TBC1D1: variants seen among roughly 807,000 people sequenced by gnomAD.
TBC1D1 encodes TBC1 domain family member 1.
TBC1D1 carries 89 observed loss-of-function variants against 125.6 expected under a neutral mutation model. The ratio of observed to expected loss-of-function variants is 0.71; its 90% CI spans 0.60 to 0.85. The LOEUF (loss-of-function observed/expected upper bound fraction) is 0.85, where lower values mean the gene tolerates loss of function less well. Among genes scored for constraint, TBC1D1 ranks in the 40% least tolerant of loss-of-function variants. TBC1D1 has a pLI of 0.00. For missense variants in TBC1D1, 1,377 were observed against 1,469.2 expected (o/e 0.94, Z 1.03); for synonymous variants, 565 against 564.1 (o/e 1.00, Z -0.02).
At chr4:37,930,544 T>A (rs1723054580) in intron 2 of TBC1D1, among the ~76,000 whole-genome samples, 2 of 151,914 alleles carry the variant, frequency 1.3e-5, no homozygotes, top group African/African-American at 4.8e-5. Context: ...CCAGGCTGGA[T>A]TTGAACTCAT....
At chr4:38,039,814 G>T (rs895544511) in intron 8 of TBC1D1, among the ~76,000 whole-genome samples, 1 of 152,124 alleles carries the variant, frequency 6.6e-6, no homozygotes, top group Admixed American at 6.5e-5. Context: ...CTCCAAATTA[G>T]AAATTATTGT....
intron 2 of TBC1D1, among the ~76,000 whole-genome samples, chr4:37,907,225 A>C (rs972316451): frequency 6.6e-6 from 1 of 152,242 alleles, no homozygotes; most frequent in African/African-American, 2.4e-5. Context: ...AAAATGGAGC[A>C]CTATATCCAT....
chr4:38,122,459 C>T (rs1438368268), intron 17 of TBC1D1, among the ~76,000 whole-genome samples: 1 of 152,210 alleles, frequency 6.6e-6, no homozygotes, highest in Non-Finnish European at 1.5e-5. Context: ...GGCTCCTGCA[C>T]ACCTCCCTGT....
chr4:37,966,167 C>T (rs1324628461), intron 2 of TBC1D1, among the ~76,000 whole-genome samples: 1 of 152,200 alleles, frequency 6.6e-6, no homozygotes, highest in Non-Finnish European at 1.5e-5. Flanking sequence ...GAGAATGTGA[C>T]ATGAACTGTC....
chr4:38,055,992 A>T (rs1237959663), intron 12 of TBC1D1, among the ~76,000 whole-genome samples: 2 of 152,152 alleles, frequency 1.3e-5, no homozygotes, highest in Non-Finnish European at 2.9e-5. Context: ...GTCGCTTGGA[A>T]ATTTCTGCTC....
chr4:37,952,383 G>A (rs567401445), intron 2 of TBC1D1: 76 of 368,078 alleles, frequency 2.1e-4, no homozygotes, highest in South Asian at 1.9e-3. Flanking sequence ...CAATCCAAGT[G>A]TCCATCAATG....
chr4:37,940,885 T>C (rs1308329501), intron 2 of TBC1D1, among the ~76,000 whole-genome samples: 1 of 152,216 alleles, frequency 6.6e-6, no homozygotes, highest in Non-Finnish European at 1.5e-5. Flanking sequence ...CACTTGATCA[T>C]GGTGGATAAG....
intron 2 of TBC1D1, among the ~76,000 whole-genome samples, chr4:37,962,253 C>A (rs1730208109): frequency 1.3e-5 from 2 of 152,214 alleles, no homozygotes; most frequent in Non-Finnish European, 2.9e-5. Flanking sequence ...CCATTGTCCT[C>A]TTCACCAGAA....
intron 2 of TBC1D1, among the ~76,000 whole-genome samples, chr4:37,915,466 AG>A (rs1719529708): frequency 1.3e-5 from 2 of 152,188 alleles, no homozygotes; most frequent in Non-Finnish European, 2.9e-5. Context: ...GGGAAGGGGA[AG>A]ATCAGTGTCC....
intron 12 of TBC1D1, among the ~76,000 whole-genome samples, chr4:38,076,376 G>A (rs1391026082): frequency 1.3e-5 from 2 of 152,204 alleles, no homozygotes; most frequent in East Asian, 1.9e-4. Context: ...AATTCAAGAT[G>A]AGAATTGGTG....
chr4:37,904,159 A>G (rs1716788057), intron 2 of TBC1D1, among the ~76,000 whole-genome samples: 1 of 152,212 alleles, frequency 6.6e-6, no homozygotes, highest in South Asian at 2.1e-4. Context: ...ATGAGGTAGC[A>G]CTCGACCTGA....
rs568468177 is a variant in TBC1D1, at chr4:38,121,108, A to G, written c.2962+2916A>G. On this transcript the variant is annotated intron_variant, in intron 17 of 19. Coordinates refer to ENST00000261439, the MANE Select transcript of TBC1D1 (RefSeq NM_015173.4). The stretch of plus-strand genomic sequence containing the variant: ...TCAGGTGACATGATGCCGCGTGATG[A>G]TGAGTGTGTCCAGTCTGTCTGTGCT... Among the ~76,000 whole-genome samples the G allele has an allele frequency of 3.9e-5, 6 of 152,260 alleles. No individual in the cohort carries two copies. In the South Asian group the frequency reaches 1.2e-3, roughly 32 times the overall value.
intron 2 of TBC1D1, among the ~76,000 whole-genome samples, chr4:37,973,829 C>A (rs1732523402): frequency 6.6e-6 from 1 of 152,212 alleles, no homozygotes; most frequent in Non-Finnish European, 1.5e-5. Context: ...TAATGAATCT[C>A]ATCTACTAGT....
chr4:37,911,131 CTT>C (rs71658745), intron 2 of TBC1D1, among the ~76,000 whole-genome samples: 2,270 of 94,796 alleles, frequency 0.024, 65 homozygotes, highest in African/African-American at 0.081. Context: ...TCCCCTCCTC[CTT>C]TTTTTTTTTT....
chr4:38,096,216 TC>T (rs1759314408), intron 14 of TBC1D1, 126 bp downstream of exon 16: 1 of 728,476 alleles, frequency 1.4e-6, no homozygotes, highest in Non-Finnish European at 2.3e-6. Context: ...CACATCTTAA[TC>T]TATTTCCATA....
chr4:37,939,466 G>A (rs1472936490), intron 2 of TBC1D1, among the ~76,000 whole-genome samples: 1 of 152,184 alleles, frequency 6.6e-6, no homozygotes, highest in Non-Finnish European at 1.5e-5. Context: ...CTCCCATTCT[G>A]TAGGTTGCCT....
intron 12 of TBC1D1, among the ~76,000 whole-genome samples, chr4:38,062,622 C>T (rs1160716079): frequency 6.7e-6 from 1 of 148,920 alleles, no homozygotes; most frequent in African/African-American, 2.5e-5. Context: ...ACCCCACCCA[C>T]CCTGCGCCGC....
intron 2 of TBC1D1, among the ~76,000 whole-genome samples, chr4:37,948,457 T>A (rs1370029553): frequency 6.6e-6 from 1 of 152,088 alleles, no homozygotes; most frequent in Non-Finnish European, 1.5e-5. Context: ...TGAAACCTTG[T>A]CTCTACTGAA....
At chr4:37,983,682 G>A (rs768930259) in intron 2 of TBC1D1, among the ~76,000 whole-genome samples, 13 of 152,096 alleles carry the variant, frequency 8.5e-5, no homozygotes, top group Non-Finnish European at 1.8e-4. Flanking sequence ...CACATGCACA[G>A]CATCCCCTGT....
Sources: gnomAD v4.1 joint callset for allele counts (sites outside exome capture counted in the v4.1 genomes callset) on GRCh38, gnomAD v4.1.1 for gene constraint, MANE v1.5 for transcripts, NCBI Gene and HGNC (gene_info 2026-07-23, HGNC 2026-07-21) for gene names.